MPRIP: variants seen among roughly 807,000 people sequenced by gnomAD.
MPRIP encodes the protein myosin phosphatase Rho interacting protein.
MPRIP carries 59 observed loss-of-function variants against 234.9 expected under a neutral mutation model. The observed-to-expected ratio is 0.25, with a 90% CI of 0.20 to 0.31. The LOEUF is 0.31. MPRIP is among the 10% of genes least tolerant of loss of function. The pLI is 1.00. For synonymous variants in MPRIP, 1,144 were observed against 1,263.9 expected (o/e 0.91, Z 2.01); for missense variants, 2,436 against 3,071.0 (o/e 0.79, Z 4.89).
chr17:17,046,559 T>G (rs1167951722), intron 1 of MPRIP, among the ~76,000 whole-genome samples: 1 of 152,244 alleles, frequency 6.6e-6, no homozygotes, highest in Non-Finnish European at 1.5e-5. Flanking sequence ...CTAATAATTT[T>G]CCTAATTACT....
At chr17:17,115,692 C>T (rs1283261583) in intron 3 of MPRIP, among the ~76,000 whole-genome samples, 1 of 152,240 alleles carries the variant, frequency 6.6e-6, no homozygotes, top group Non-Finnish European at 1.5e-5. Context: ...CTCCTCCCCT[C>T]CTGCTTCCCA....
At chr17:17,043,325 C>T (rs2088240213) in intron 1 of MPRIP, among the ~76,000 whole-genome samples, 1 of 152,158 alleles carries the variant, frequency 6.6e-6, no homozygotes, top group South Asian at 2.1e-4. Flanking sequence ...TGGATTTGTC[C>T]AGCCAGAGTG....
At chr17:17,099,142 A>G (rs931421006) in intron 3 of MPRIP, among the ~76,000 whole-genome samples, 6 of 152,154 alleles carry the variant, frequency 3.9e-5, no homozygotes, top group Non-Finnish European at 8.8e-5. Context: ...AGGCACATAC[A>G]TTGCAAATAG....
At chr17:17,173,373 C>T (rs971580097) in intron 18 of MPRIP, among the ~76,000 whole-genome samples, 1 of 152,246 alleles carries the variant, frequency 6.6e-6, no homozygotes, top group Non-Finnish European at 1.5e-5. Flanking sequence ...AAGCCAGGGG[C>T]CCTGCCTCAG....
At chr17:17,058,578 G>T (rs922014130) in intron 1 of MPRIP, among the ~76,000 whole-genome samples, 1 of 152,086 alleles carries the variant, frequency 6.6e-6, no homozygotes, top group Non-Finnish European at 1.5e-5. Flanking sequence ...GACCCAGGGA[G>T]GGCTCCAGGT....
At chr17:17,106,495 C>G (rs1282382059) in intron 3 of MPRIP, among the ~76,000 whole-genome samples, 1 of 152,188 alleles carries the variant, frequency 6.6e-6, no homozygotes, top group Non-Finnish European at 1.5e-5. Context: ...CTCCACAGAG[C>G]TTGGTGCTTT....
intron 15 of MPRIP, among the ~76,000 whole-genome samples, chr17:17,163,449 G>C (rs1217335025): frequency 3.3e-5 from 5 of 152,262 alleles, no homozygotes; most frequent in Non-Finnish European, 7.4e-5. Context: ...ACTCCACAAA[G>C]GTTTGTTTGT....
chr17:17,054,610 C>T (rs898510551), intron 1 of MPRIP, among the ~76,000 whole-genome samples: 4 of 152,088 alleles, frequency 2.6e-5, no homozygotes, highest in African/African-American at 9.7e-5. Flanking sequence ...CAGAGAAAAC[C>T]CACGGAGTCG....
At chr17:17,089,001 C>A (rs2089654234) in intron 3 of MPRIP, among the ~76,000 whole-genome samples, 1 of 152,182 alleles carries the variant, frequency 6.6e-6, no homozygotes, top group African/African-American at 2.4e-5. Flanking sequence ...ATGTACTGGC[C>A]TGAGGGCTGG....
At chr17:17,111,465 G>A (rs2090169948) in intron 3 of MPRIP, among the ~76,000 whole-genome samples, 1 of 152,134 alleles carries the variant, frequency 6.6e-6, no homozygotes, top group Non-Finnish European at 1.5e-5. Context: ...CCTCACCAGG[G>A]GCTTTTTCCC....
intron 1 of MPRIP, among the ~76,000 whole-genome samples, chr17:17,070,716 A>G (rs2089172118): frequency 6.6e-6 from 1 of 152,196 alleles, no homozygotes; most frequent in Non-Finnish European, 1.5e-5. Flanking sequence ...ATGTGGGATA[A>G]TTCTAGCATG....
At chr17:17,091,325 CT>C (rs963467194) in intron 3 of MPRIP, among the ~76,000 whole-genome samples, 1 of 152,040 alleles carries the variant, frequency 6.6e-6, no homozygotes, top group African/African-American at 2.4e-5. Context: ...CAGCCCTCAC[CT>C]TTGACAGATG....
At chr17:17,086,383 G>C (rs1489352514) in intron 3 of MPRIP, among the ~76,000 whole-genome samples, 1 of 152,160 alleles carries the variant, frequency 6.6e-6, no homozygotes, top group Non-Finnish European at 1.5e-5. Flanking sequence ...GTCTTGATTT[G>C]GTCATGACAA....
intron 3 of MPRIP, among the ~76,000 whole-genome samples, chr17:17,111,152 A>C (rs1435233562): frequency 9.0e-4 from 131 of 144,984 alleles, no homozygotes; most frequent in African/African-American, 3.5e-3. Context: ...GTTTAAAAAA[A>C]AAAACCAAAA....
At chr17:17,075,467 C>T (rs2089305544) in intron 1 of MPRIP, among the ~76,000 whole-genome samples, 4 of 152,076 alleles carry the variant, frequency 2.6e-5, no homozygotes, top group African/African-American at 9.7e-5. Context: ...TTAGGGGATC[C>T]TGTACTCTCC....
At chr17:17,082,828 T>G (rs1050818233) in intron 3 of MPRIP, among the ~76,000 whole-genome samples, 4 of 152,208 alleles carry the variant, frequency 2.6e-5, no homozygotes, top group Admixed American at 1.3e-4. Context: ...TGAATTTGAC[T>G]CCTCCAGCAC....
intron 6 of MPRIP, among the ~76,000 whole-genome samples, chr17:17,137,699 G>A (rs2090730600): frequency 6.6e-6 from 1 of 152,132 alleles, no homozygotes. Context: ...CTGCAGGGGA[G>A]AGATGGATGA....
At chr17:17,162,473 T>C (rs1213006791) in intron 15 of MPRIP, among the ~76,000 whole-genome samples, 1 of 152,228 alleles carries the variant, frequency 6.6e-6, no homozygotes, top group Non-Finnish European at 1.5e-5. Context: ...GTGTGCTCCC[T>C]GGGCCTTCTC....
intron 15 of MPRIP, among the ~76,000 whole-genome samples, chr17:17,161,708 A>G (rs1320088490): frequency 1.3e-5 from 2 of 152,214 alleles, no homozygotes; most frequent in Admixed American, 6.5e-5. Context: ...CATAGTTTTC[A>G]CTATAGTAAT....
Sources: gnomAD v4.1 joint callset for allele counts (sites outside exome capture counted in the v4.1 genomes callset) on GRCh38, gnomAD v4.1.1 for gene constraint, MANE v1.5 for transcripts, NCBI Gene and HGNC (gene_info 2026-07-23, HGNC 2026-07-21) for gene names.